The following CDH20 variants were observed in gnomAD, a reference collection of about 807,000 sequenced individuals.
The protein encoded by CDH20 is cadherin-20.
Under a neutral mutation model 74.2 loss-of-function variants are expected in CDH20, and 29 were observed. That is an observed-to-expected ratio of 0.39 (90% CI 0.29 to 0.53). CDH20 has a LOEUF of 0.53. Among genes scored for constraint, CDH20 ranks in the 20% least tolerant of loss-of-function variants. The pLI is 0.69. For synonymous variants in CDH20, 469 were observed against 405.4 expected (o/e 1.16, Z -1.88); for missense variants, 988 against 1,048.3 (o/e 0.94, Z 0.79).
At chr18:61,411,774 T>C (rs377367668) in intron 1 of CDH20, among the ~76,000 whole-genome samples, 131 of 152,068 alleles carry the variant, frequency 8.6e-4, no homozygotes, top group African/African-American at 3.0e-3. Context: ...AAACCAAATA[T>C]CATATGTGGG....
At chr18:61,524,162 A>G (rs1339763936) in intron 6 of CDH20, among the ~76,000 whole-genome samples, 33 of 152,208 alleles carry the variant, frequency 2.2e-4, no homozygotes, top group Admixed American at 2.2e-3. Context: ...GGACTTGAAT[A>G]TAAAATATAC....
intron 9 of CDH20, among the ~76,000 whole-genome samples, chr18:61,540,444 T>C (rs527447469): frequency 1.3e-5 from 2 of 152,206 alleles, no homozygotes; most frequent in South Asian, 4.2e-4. Context: ...TCCACGTGGC[T>C]GGGGAGGCCT....
chr18:61,462,931 G>A (rs1013856440), intron 1 of CDH20, among the ~76,000 whole-genome samples: 3 of 152,168 alleles, frequency 2.0e-5, no homozygotes, highest in Non-Finnish European at 2.9e-5. Context: ...ATTTAGCATG[G>A]CAATTATTCT....
chr18:61,544,480 T>C (rs1913156609), intron 9 of CDH20, among the ~76,000 whole-genome samples: 2 of 152,214 alleles, frequency 1.3e-5, no homozygotes. Flanking sequence ...CAACGTTTAT[T>C]GAGTGGTGAA....
chr18:61,402,606 T>A (rs188724634), intron 1 of CDH20, among the ~76,000 whole-genome samples: 23 of 152,322 alleles, frequency 1.5e-4, no homozygotes, highest in Middle Eastern at 3.4e-3. Flanking sequence ...GATCTAAGGT[T>A]AATGTTTAAC....
At chr18:61,532,547 TATATATATAC>T (rs758281853) in intron 7 of CDH20, among the ~76,000 whole-genome samples, 993 of 24,314 alleles carry the variant, frequency 0.041, 6 homozygotes, top group African/African-American at 0.074. Flanking sequence ...TATATATATA[TATATATATAC>T]ACACACACAC....
intron 11 of CDH20, among the ~76,000 whole-genome samples, chr18:61,553,397 G>A (rs981335428): frequency 6.6e-6 from 1 of 152,140 alleles, no homozygotes; most frequent in African/African-American, 2.4e-5. Flanking sequence ...CATTCTAGGG[G>A]GGAAAAATGC....
At chr18:61,518,882 T>C (rs1187270615) in intron 6 of CDH20, among the ~76,000 whole-genome samples, 1 of 151,082 alleles carries the variant, frequency 6.6e-6, no homozygotes, top group Admixed American at 6.6e-5. Context: ...GAAAAAACAT[T>C]AGAGGAATTG....
intron 4 of CDH20, among the ~76,000 whole-genome samples, chr18:61,500,845 C>T (rs1029718256): frequency 6.6e-6 from 1 of 152,214 alleles, no homozygotes; most frequent in Non-Finnish European, 1.5e-5. Context: ...ACAGGATTGA[C>T]ACATTCACCT....
chr18:61,488,395 T>A (rs1910842073), intron 1 of CDH20, among the ~76,000 whole-genome samples: 1 of 152,164 alleles, frequency 6.6e-6, no homozygotes, highest in African/African-American at 2.4e-5. Flanking sequence ...TTTTTACATA[T>A]GACCCAGGTA....
At chr18:61,463,235 T>C (rs1001067242) in intron 1 of CDH20, among the ~76,000 whole-genome samples, 3 of 152,152 alleles carry the variant, frequency 2.0e-5, no homozygotes, top group African/African-American at 7.2e-5. Context: ...CTCCTATCCT[T>C]GCTTCTTCTA....
intron 1 of CDH20, among the ~76,000 whole-genome samples, chr18:61,386,640 A>G (rs1299861734): frequency 6.6e-6 from 1 of 152,218 alleles, no homozygotes; most frequent in Non-Finnish European, 1.5e-5. Flanking sequence ...GAAATTTTAT[A>G]TCTAGCATTG....
intron 1 of CDH20, among the ~76,000 whole-genome samples, chr18:61,372,090 C>T (rs933022547): frequency 1.3e-5 from 2 of 152,066 alleles, no homozygotes; most frequent in African/African-American, 4.8e-5. Flanking sequence ...TTTTCACTCA[C>T]ACAATATGTG....
intron 7 of CDH20, 133 bp downstream of exon 7, chr18:61,528,353 T>G: frequency 1.0e-6 from 1 of 964,570 alleles, no homozygotes; most frequent in Non-Finnish European, 1.5e-6. Context: ...TTGAGTTTTT[T>G]GTGTTGTTTT....
chr18:61,471,500 T>C (rs1343766214), intron 1 of CDH20, among the ~76,000 whole-genome samples: 2 of 152,238 alleles, frequency 1.3e-5, no homozygotes, highest in African/African-American at 2.4e-5. Flanking sequence ...TTAGTCATAA[T>C]GGAACTGGGG....
intron 1 of CDH20, among the ~76,000 whole-genome samples, chr18:61,424,727 T>C (rs377331351): frequency 8.7e-4 from 133 of 152,306 alleles, no homozygotes; most frequent in African/African-American, 3.0e-3. Context: ...TGGGATAATA[T>C]TGGAATCCAA....
chr18:61,380,360 T>C (rs146346139), intron 1 of CDH20, among the ~76,000 whole-genome samples: 1 of 152,278 alleles, frequency 6.6e-6, no homozygotes, highest in African/African-American at 2.4e-5. Flanking sequence ...ATATTATAAA[T>C]ACCATAGTAA....
At chr18:61,532,210 C>G (rs1400733039) in intron 7 of CDH20, among the ~76,000 whole-genome samples, 1 of 152,064 alleles carries the variant, frequency 6.6e-6, no homozygotes, top group Non-Finnish European at 1.5e-5. Flanking sequence ...ATTGTGCCTA[C>G]CTCATGGTGT....
chr18:61,537,110 T>C (rs552376053), intron 8 of CDH20, among the ~76,000 whole-genome samples: 21 of 152,144 alleles, frequency 1.4e-4, no homozygotes, highest in Non-Finnish European at 5.9e-5. Context: ...GAATGGAAGA[T>C]TAATAACTAC....
Sources: gnomAD v4.1 joint callset for allele counts (sites outside exome capture counted in the v4.1 genomes callset) on GRCh38, gnomAD v4.1.1 for gene constraint, MANE v1.5 for transcripts, NCBI Gene and HGNC (gene_info 2026-07-23, HGNC 2026-07-21) for gene names.